Variants in SLC8A2 observed in about 807,000 individuals in gnomAD.
SLC8A2 encodes sodium/calcium exchanger 2.
Under a neutral mutation model 70.2 loss-of-function variants are expected in SLC8A2, and 14 were observed. The ratio of observed to expected loss-of-function variants is 0.20; its 90% CI spans 0.13 to 0.31. SLC8A2 has a LOEUF of 0.31. Ranked by LOEUF, SLC8A2 falls within the 10% of genes least tolerant of loss-of-function variation. SLC8A2 has a pLI of 1.00. For synonymous variants in SLC8A2, 575 were observed against 594.3 expected (o/e 0.97, Z 0.47); for missense variants, 779 against 1,320.1 (o/e 0.59, Z 6.35).
At chr19:47,456,757 A>G (rs955196048) in intron 3 of SLC8A2, among the ~76,000 whole-genome samples, 173 bp downstream of exon 3, 2 of 152,210 alleles carry the variant, frequency 1.3e-5, no homozygotes, top group South Asian at 4.1e-4. Context: ...TGTGTGCCCC[A>G]CGTCTAGAGC....
chr19:47,446,609 T>C (rs908927506), intron 4 of SLC8A2, among the ~76,000 whole-genome samples: 2 of 152,130 alleles, frequency 1.3e-5, no homozygotes, highest in Non-Finnish European at 2.9e-5. Context: ...AAACAATTTT[T>C]AGCAGAGTAG....
chr19:47,447,776 C>A lies in SLC8A2; in HGVS notation c.1763+33G>T. 2.6e-6 allele frequency: 4 copies of A among 1,548,058 alleles called. No individual in the cohort carries two copies. Among genetic ancestry groups the A allele is most frequent in the East Asian group, 2.4e-5 (1 of 41,202 alleles). On this transcript the variant is annotated intron_variant, in intron 4 of 9. Coordinates refer to ENST00000236877, the MANE Select transcript of SLC8A2 (RefSeq NM_015063.3). This position sits in a 1 kb window ranked among gnomAD's most constrained non-coding sequence, Gnocchi z 5.1. ...TCAGGCCTCGCCCATTCCGAAGCCC[C>A]GCCCCTCTCCGGGCCGCCTCGGGCG...
chr19:47,437,678 C>T (rs891000040), intron 7 of SLC8A2, 117 bp from the exon 8 acceptor site: 4 of 1,149,670 alleles, frequency 3.5e-6, no homozygotes, highest in Non-Finnish European at 5.2e-6. Context: ...ACTTTCCACA[C>T]CCCCGTTCTG....
chr19:47,447,630 TG>T lies in SLC8A2; in HGVS notation c.1763+178del. ...TGAAGCCCCGCCCACGTCGTGGGCA[TG>T]GGTCACAGGCCCCGCCCACGTTGCG... On this transcript the variant is annotated intron_variant, in intron 4 of 9. Coordinates refer to ENST00000236877, the MANE Select transcript of SLC8A2 (RefSeq NM_015063.3). This position sits in a 1 kb window ranked among gnomAD's most constrained non-coding sequence, Gnocchi z 5.1. 1 of 412,692 alleles carries T rather than the reference TG, an allele frequency of 2.4e-6. No individual in the cohort carries two copies. Among genetic ancestry groups the T allele is most frequent in the Non-Finnish European group, 4.1e-6 (1 of 243,510 alleles). 25.6% of individuals were successfully genotyped at this position (412,692 alleles called of 1,614,324 possible). A position where few individuals can be genotyped will look rare whatever the true frequency, so the allele number is the denominator to read the frequency against.
At position 47,459,660 on chromosome 19, in the gene SLC8A2, TCTG is replaced by T. The variant is rs1967366942; in HGVS notation, c.676-2069_676-2067del. 2.6e-5 allele frequency among the ~76,000 whole-genome samples: 4 copies of T among 151,346 alleles called. No homozygotes were observed. In the South Asian group the frequency reaches 8.3e-4, roughly 32 times the overall value. On this transcript the variant is annotated intron_variant, in intron 2 of 9. Transcript: ENST00000236877. ...GTGTGTCCATCTGTGTGTGTGTCCT[TCTG>T]TGTGTGTGCATGTGTGTGTGTGCAT...
rs528770158 is a variant in SLC8A2 at position 47,448,741 on chromosome 19, G to C, written c.1341-510C>G. On this transcript the variant is annotated intron_variant, in intron 3 of 9. Coordinates refer to ENST00000236877, the MANE Select transcript of SLC8A2 (RefSeq NM_015063.3). This position sits in a 1 kb window ranked among gnomAD's most constrained non-coding sequence, Gnocchi z 4.8. ...ATCGCATTTCTAACGAGCTCCAGGG[G>C]ATGTCCTGGTCACATTTTAAGTGGC... Among the ~76,000 whole-genome samples the C allele has an allele frequency of 2.0e-4, 30 of 152,298 alleles. No homozygotes were observed. The highest frequency in any genetic ancestry group is 6.7e-4 in the African/African-American group (28 of 41,550).
At chr19:47,437,344 T>G in intron 8 of SLC8A2, 118 bp downstream of exon 8, 12 of 742,554 alleles carry the variant, frequency 1.6e-5, no homozygotes, top group Non-Finnish European at 2.8e-5. Context: ...ATTCCAGGCA[T>G]GAGCCACCGC....
At chr19:47,435,978 C>T (rs1483754202) in intron 8 of SLC8A2, among the ~76,000 whole-genome samples, 1 of 152,212 alleles carries the variant, frequency 6.6e-6, no homozygotes, top group East Asian at 1.9e-4. Context: ...GCCACCCAAG[C>T]TCCCTACTGT....
intron 2 of SLC8A2, among the ~76,000 whole-genome samples, chr19:47,464,207 G>A (rs1446310570): frequency 2.6e-5 from 4 of 152,108 alleles, no homozygotes; most frequent in African/African-American, 7.2e-5. Flanking sequence ...CACCTCCCAG[G>A]TTCAAGCAAT....
At chr19:47,437,354 C>T (rs751634413) in intron 8 of SLC8A2, 108 bp downstream of exon 8, 3 of 828,906 alleles carry the variant, frequency 3.6e-6, no homozygotes, top group South Asian at 1.5e-5. Context: ...TGAGCCACCG[C>T]GCCCGGCCTG....
chr19:47,463,422 A>G (rs1967421105), intron 2 of SLC8A2, among the ~76,000 whole-genome samples: 1 of 146,168 alleles, frequency 6.8e-6, no homozygotes, highest in East Asian at 2.2e-4. Flanking sequence ...CGTGAGCCAC[A>G]GCACCCGGCC....
At chr19:47,470,051 G>A (rs549089883) in intron 1 of SLC8A2, among the ~76,000 whole-genome samples, 10 of 152,300 alleles carry the variant, frequency 6.6e-5, no homozygotes, top group African/African-American at 2.4e-4. Context: ...TTTTCTGACT[G>A]TGCCTGTGTT....
chr19:47,460,110 C>T (rs1599858159), intron 2 of SLC8A2, among the ~76,000 whole-genome samples: 1 of 152,180 alleles, frequency 6.6e-6, no homozygotes, highest in Admixed American at 6.5e-5. Context: ...TTCACCCAAA[C>T]GCCCTCAGTG....
At position 47,434,202 on chromosome 19, in the gene SLC8A2, C is replaced by T. The variant is rs75908191; in HGVS notation, c.2111-1757G>A. On this transcript the variant is annotated intron_variant, in intron 8 of 9. Coordinates refer to ENST00000236877, the MANE Select transcript of SLC8A2 (RefSeq NM_015063.3). The stretch of plus-strand genomic sequence containing the variant: ...TTTGGGAGAGAGGTGGCTGCTATTA[C>T]CGCATCACTATGTCAGTTGAGGCTT... Among the ~76,000 whole-genome samples the T allele has an allele frequency of 2.0e-5, 3 of 152,340 alleles. No homozygotes were observed. The East Asian group carries it at 5.8e-4, about 29-fold the overall frequency.
intron 8 of SLC8A2, among the ~76,000 whole-genome samples, chr19:47,434,036 C>T (rs972008303): frequency 3.3e-5 from 5 of 152,242 alleles, no homozygotes; most frequent in African/African-American, 1.2e-4. Flanking sequence ...GAATGAGAAT[C>T]AATGAGCACA....
At chr19:47,470,345 T>TACA (rs57212266) in intron 1 of SLC8A2, among the ~76,000 whole-genome samples, 17 of 109,140 alleles carry the variant, frequency 1.6e-4, no homozygotes, top group African/African-American at 5.1e-4. Flanking sequence ...CAGGGAGACA[T>TACA]CATACACACA....
At chr19:47,442,822 T>G (rs1289168904) in intron 4 of SLC8A2, among the ~76,000 whole-genome samples, 1 of 152,192 alleles carries the variant, frequency 6.6e-6, no homozygotes, top group Non-Finnish European at 1.5e-5. Context: ...TAGCTGGGAC[T>G]ACAGGTATAC....
intron 2 of SLC8A2, among the ~76,000 whole-genome samples, chr19:47,460,830 T>A (rs1278988305): frequency 6.6e-6 from 1 of 152,054 alleles, no homozygotes; most frequent in Admixed American, 6.6e-5. Context: ...ATGGAAAGCA[T>A]CCACCAAGAC....
At chr19:47,441,913 C>T (rs1967104562) in intron 4 of SLC8A2, among the ~76,000 whole-genome samples, 2 of 152,266 alleles carry the variant, frequency 1.3e-5, no homozygotes, top group East Asian at 1.9e-4. Flanking sequence ...ACCATCCTGT[C>T]CAACATGGTG....
Sources: allele counts gnomAD v4.1 joint callset (sites outside exome capture counted in the v4.1 genomes callset), GRCh38; gene constraint gnomAD v4.1.1; non-coding constraint Gnocchi (gnomAD v3.1); transcripts MANE v1.5; gene names NCBI Gene and HGNC (gene_info 2026-07-23, HGNC 2026-07-21).